The following MCM10 variants were observed in gnomAD, a reference collection of about 807,000 sequenced individuals.
MCM10 encodes the protein minichromosome maintenance 10 replication initiation factor.
MCM10 carries 91 observed loss-of-function variants against 109.9 expected under a neutral mutation model. The observed-to-expected ratio is 0.83, with a 90% confidence interval of 0.70 to 0.99. The LOEUF is 0.99. MCM10 is among the 50% of genes least tolerant of loss of function. MCM10 has a pLI of 0.00. For synonymous variants in MCM10, 380 were observed against 387.2 expected (o/e 0.98, Z 0.22); for missense variants, 1,077 against 1,061.2 (o/e 1.01, Z -0.21).
rs776377802 is a variant in MCM10, at chr10:13,198,808, G to C, written c.2238+1G>C. 1 of 1,599,038 alleles carries C rather than the reference G, an allele frequency of 6.3e-7. No individual in the cohort carries two copies. The highest frequency in any genetic ancestry group is 1.7e-5 in the Admixed American group (1 of 59,982). Reference sequence around the variant, plus strand: ...AAAACACACAGGCATCCTGAAAGAGGTAAGAGCCCAAAAGCTCAAGGATGG... The same window carrying C: ...AAAACACACAGGCATCCTGAAAGAGCTAAGAGCCCAAAAGCTCAAGGATGG... On this transcript the variant is annotated splice_donor_variant, in intron 16 of 19. Transcript: ENST00000378714. LOFTEE classifies it high-confidence loss of function.
chr10:13,175,675 G>C lies in MCM10; in HGVS notation c.758G>C (p.Arg253Pro). Residue 253 changes from arginine (R) to proline (P), a missense_variant, in exon 6 of 20, where the codon CGG becomes CCG. Coordinates refer to ENST00000378714, the MANE Select transcript of MCM10 (RefSeq NM_018518.5). ...TGTGTGGAAGCCTTCTCTGGTCTGCGGCTCAGGTCAGTAGCTAAACCATCT... is the reference window on the plus strand; with the variant it reads ...TGTGTGGAAGCCTTCTCTGGTCTGCCGCTCAGGTCAGTAGCTAAACCATCT... The part of the protein sequence containing the change: ...PICVEAFSGL[R>P]LRRPRVSSTE... 1 of 1,601,456 alleles carries C rather than the reference G, an allele frequency of 6.2e-7. No homozygotes were observed. The highest frequency in any genetic ancestry group is 1.1e-5 in the South Asian group (1 of 89,458).
chr10:13,201,868 T>C (rs1834505001), intron 17 of MCM10: 1 of 250,676 alleles, frequency 4.0e-6, no homozygotes, highest in Non-Finnish European at 7.8e-6. Context: ...CGCTCAGCGT[T>C]CTCAGGCCTT....
Position 13,192,495 on chromosome 10 carries a change from TCAG to T in MCM10, c.1675_1677del (p.Ala559del), listed in dbSNP as rs1834361647. ...ACCAGCCATCAAGTCCATCTCGGCCTCAGCACTCTTGAAGCAACAGAAGCAGCG... is the reference window on the plus strand; with the variant it reads ...ACCAGCCATCAAGTCCATCTCGGCCTCACTCTTGAAGCAACAGAAGCAGCG... On this transcript the variant is annotated inframe_deletion, in exon 13 of 20. Coordinates refer to ENST00000378714, the MANE Select transcript of MCM10 (RefSeq NM_018518.5). The T allele has an allele frequency of 6.2e-7, 1 of 1,614,042 alleles. No individual in the cohort carries two copies.
intron 2 of MCM10, among the ~76,000 whole-genome samples, chr10:13,166,217 G>A (rs904026552): frequency 6.6e-6 from 1 of 152,098 alleles, no homozygotes; most frequent in Non-Finnish European, 1.5e-5. Context: ...ATGTAAGAAT[G>A]TAAGTGGAAG....
intron 2 of MCM10, 115 bp from the exon 3 acceptor site, chr10:13,170,807 C>T: frequency 1.3e-6 from 1 of 773,748 alleles, no homozygotes; most frequent in Non-Finnish European, 2.1e-6. Context: ...AGGTAATGAG[C>T]ATTGTACCCA....
At chr10:13,189,295 C>A (rs190301558) in intron 10 of MCM10, among the ~76,000 whole-genome samples, 1 of 151,514 alleles carries the variant, frequency 6.6e-6, no homozygotes, top group Non-Finnish European at 1.5e-5. Flanking sequence ...TTGTGTTGGA[C>A]TTTAAGAGAG....
intron 14 of MCM10, among the ~76,000 whole-genome samples, chr10:13,196,956 ACT>A (rs1385626878): frequency 1.3e-5 from 2 of 151,698 alleles, no homozygotes; most frequent in African/African-American, 4.8e-5. Flanking sequence ...ACAGGGTCTC[ACT>A]CTGTCTCCCA....
At chr10:13,179,921 C>T (rs1834188284) in intron 6 of MCM10, among the ~76,000 whole-genome samples, 2 of 152,098 alleles carry the variant, frequency 1.3e-5, no homozygotes, top group Non-Finnish European at 2.9e-5. Flanking sequence ...TATATAAGCC[C>T]TAGATCTATA....
intron 14 of MCM10, chr10:13,195,484 T>C (rs977266999): frequency 1.6e-5 from 7 of 436,420 alleles, no homozygotes; most frequent in Middle Eastern, 6.4e-4. Context: ...TAGAGGAAGA[T>C]AGTGTTTTAT....
rs1834634597 is a variant in MCM10, at chr10:13,209,862, T to G, written c.*552T>G. 1.3e-5 allele frequency: 2 copies of G among 153,722 alleles called. No homozygotes were observed. The highest frequency in any genetic ancestry group is 1.3e-4 in the Admixed American group (2 of 15,486). The allele number at this position is 153,722 out of a possible 1,614,324, so 9.5% of individuals were successfully genotyped here. ...TCTAGATAATGATGATCACATAGTC[T>G]TGATGTACGGACATTAAAAGCCAGA... On this transcript the variant is annotated 3_prime_UTR_variant, in exon 20 of 20. Transcript: ENST00000378714.
rs1199236310 is a variant in MCM10 at position 13,189,040 on chromosome 10, T to A, written c.1375T>A (p.Tyr459Asn). 1.2e-6 allele frequency: 2 copies of A among 1,614,246 alleles called. No homozygotes were observed. Among genetic ancestry groups the A allele is most frequent in the Admixed American group, 3.3e-5 (2 of 60,034 alleles). Residue 459 changes from tyrosine to asparagine, a missense_variant, in exon 10 of 20, where the codon TAC (tyrosine) becomes AAC (asparagine). Tyr to Asn is a moderately radical substitution (Grantham distance 143). Transcript: ENST00000378714. ...AGAACGGCTGTGCCAAGATGGCTTT[T>A]ACTACGGAGGGGTTTCTTCTGCCTC... ...LKERLCQDGF[Y>N]YGGVSSASYA...
intron 18 of MCM10, among the ~76,000 whole-genome samples, chr10:13,204,993 TG>T (rs1834553497): frequency 1.1e-3 from 5 of 4,582 alleles, no homozygotes; most frequent in African/African-American, 2.3e-3. Context: ...CATGTATGTA[TG>T]TATGTATGTA....
intron 17 of MCM10, among the ~76,000 whole-genome samples, chr10:13,203,129 G>A (rs1834522261): frequency 6.6e-6 from 1 of 152,162 alleles, no homozygotes; most frequent in Non-Finnish European, 1.5e-5. Context: ...ACAGGCATGA[G>A]CCACCATGCC....
At position 13,209,273 on chromosome 10, in the gene MCM10, G is replaced by A; in HGVS notation, c.2588G>A (p.Gly863Glu). 1 of 1,614,060 alleles carries A rather than the reference G, an allele frequency of 6.2e-7. No individual in the cohort carries two copies. The highest frequency in any genetic ancestry group is 8.5e-7 in the Non-Finnish European group (1 of 1,179,980). The stretch of plus-strand genomic sequence containing the variant: ...GGAGGAGAAACTCTGTTACCAAGAG[G>A]AGAAGAACATGCTAAATTTCTGAAC... ...KIGGETLLPRGEEHAKFLNSL... is the reference protein window; with the variant it reads ...KIGGETLLPREEEHAKFLNSL... Residue 863 changes from glycine (G) to glutamate (E), a missense_variant, in exon 20 of 20, where the codon GGA becomes GAA. Transcript: ENST00000378714.
At chr10:13,171,332 G>A (rs979663267) in intron 3 of MCM10, 69 bp downstream of exon 3, 6 of 1,354,864 alleles carry the variant, frequency 4.4e-6, no homozygotes, top group Non-Finnish European at 6.0e-6. Context: ...TCTGATAGTT[G>A]TCATCAAAAT....
Position 13,188,954 on chromosome 10 carries a change from A to G in MCM10, c.1289A>G (p.Gln430Arg), listed in dbSNP as rs1281599379. The G allele has an allele frequency of 6.2e-7, 1 of 1,614,230 alleles. No homozygotes were observed. Among genetic ancestry groups the G allele is most frequent in the East Asian group, 2.2e-5 (1 of 44,890 alleles). Reference sequence around the variant, plus strand: ...CTCAGCGCAAAGCGTGCGGATCTGCAGTCCACCTTCTCTGGAGGACGAATT... The same window carrying G: ...CTCAGCGCAAAGCGTGCGGATCTGCGGTCCACCTTCTCTGGAGGACGAATT... ...KKLSAKRADL[Q>R]STFSGGRIPK... The change falls in exon 10 of 20, where the codon CAG becomes CGG. Residue 430 changes from glutamine to arginine, a missense_variant. Transcript: ENST00000378714.
chr10:13,167,895 C>T (rs559764480), intron 2 of MCM10, among the ~76,000 whole-genome samples: 3 of 152,200 alleles, frequency 2.0e-5, no homozygotes, highest in African/African-American at 4.8e-5. Flanking sequence ...ACTGGGGATC[C>T]GAGAAACGTG....
intron 18 of MCM10, among the ~76,000 whole-genome samples, chr10:13,205,568 T>G (rs889996180): frequency 2.0e-5 from 3 of 152,152 alleles, no homozygotes; most frequent in African/African-American, 4.8e-5. Flanking sequence ...GATTGAATGG[T>G]AGTTTTATTT....
At chr10:13,207,074 G>A (rs1834591757) in intron 18 of MCM10, among the ~76,000 whole-genome samples, 1 of 152,108 alleles carries the variant, frequency 6.6e-6, no homozygotes, top group Admixed American at 6.5e-5. Context: ...CAAAGTGCTG[G>A]GATTGCAGGC....
Sources: gnomAD v4.1 joint callset for allele counts (sites outside exome capture counted in the v4.1 genomes callset) on GRCh38, gnomAD v4.1.1 for gene constraint, MANE v1.5 for transcripts, NCBI Gene and HGNC (gene_info 2026-07-23, HGNC 2026-07-21) for gene names.